BPNT1: variants seen among roughly 807,000 people sequenced by gnomAD.
BPNT1 encodes the protein 3'(2'), 5'-bisphosphate nucleotidase 1, also known as 3'(2'),5'-bisphosphate nucleotidase 1.
In BPNT1, 28 loss-of-function variants were observed where a neutral mutation model predicts 36.9. The observed-to-expected ratio is 0.76, with a 90% CI of 0.56 to 1.04. The LOEUF (loss-of-function observed/expected upper bound fraction) is 1.04. BPNT1 is among the 50% of genes least tolerant of loss of function. The pLI, the probability that BPNT1 is intolerant of heterozygous loss-of-function variation, is 0.00. For missense variants in BPNT1, 313 were observed against 372.9 expected (o/e 0.84, Z 1.32); for synonymous variants, 119 against 130.9 (o/e 0.91, Z 0.62).
intron 2 of BPNT1, among the ~76,000 whole-genome samples, chr1:220,075,197 C>G (rs1664435424): frequency 6.6e-6 from 1 of 152,160 alleles, no homozygotes. Flanking sequence ...GTGTCCCCCA[C>G]CATGCCTGGC....
intron 2 of BPNT1, among the ~76,000 whole-genome samples, chr1:220,078,069 G>C (rs1334244921): frequency 1.3e-5 from 2 of 151,408 alleles, no homozygotes; most frequent in East Asian, 3.9e-4. Flanking sequence ...TAACTACTCA[G>C]GAGGCTAAGC....
In BPNT1 at chr1:220,060,674, T is replaced by A. The variant is rs535802719; in HGVS notation, c.673-883A>T. Among the ~76,000 whole-genome samples the A allele has an allele frequency of 7.9e-5, 12 of 152,302 alleles. No individual in the cohort carries two copies. The South Asian group carries it at 2.5e-3, about 32-fold the overall frequency. ...CACTACCAAAATACAAACTTTTTTT[T>A]TTAAAAATATTTGAAGAGATTTATT... On this transcript the variant is annotated intron_variant, in intron 7 of 8. Transcript: ENST00000322067.
At chr1:220,078,313 T>A (rs1026859551) in intron 2 of BPNT1, among the ~76,000 whole-genome samples, 2 of 144,558 alleles carry the variant, frequency 1.4e-5, no homozygotes, top group Non-Finnish European at 1.5e-5. Flanking sequence ...TATATATATA[T>A]AATATATATA....
chr1:220,069,745 G>A (rs1245404183), intron 4 of BPNT1, among the ~76,000 whole-genome samples: 3 of 151,992 alleles, frequency 2.0e-5, no homozygotes, highest in African/African-American at 7.3e-5. Flanking sequence ...AGACCAGCCC[G>A]GCCAAAGTGG....
At chr1:220,088,606 A>G (rs1299433214) in intron 1 of BPNT1, among the ~76,000 whole-genome samples, 3 of 151,874 alleles carry the variant, frequency 2.0e-5, no homozygotes, top group Non-Finnish European at 4.4e-5. Flanking sequence ...CCTGGGCAAC[A>G]TGGCAAAACC....
chr1:220,060,901 G>A (rs1167365982), intron 7 of BPNT1, among the ~76,000 whole-genome samples: 1 of 152,118 alleles, frequency 6.6e-6, no homozygotes, highest in Non-Finnish European at 1.5e-5. Context: ...AGGCTTCCAG[G>A]ATATAGGTGA....
chr1:220,082,085 T>TATATATAGAGAGAG (rs1171093697), intron 1 of BPNT1, among the ~76,000 whole-genome samples: 6 of 103,280 alleles, frequency 5.8e-5, no homozygotes, highest in African/African-American at 2.3e-4. Context: ...TATATATATA[T>TATATATAGAGAGAG]AGAGAGAGAG....
At chr1:220,080,823 C>T (rs1352826035) in intron 1 of BPNT1, among the ~76,000 whole-genome samples, 5 of 152,186 alleles carry the variant, frequency 3.3e-5, no homozygotes, top group Non-Finnish European at 5.9e-5. Flanking sequence ...TATTTACCTC[C>T]ATCTTCGTCA....
At chr1:220,073,451 G>A (rs1664259675) in intron 3 of BPNT1, among the ~76,000 whole-genome samples, 1 of 152,094 alleles carries the variant, frequency 6.6e-6, no homozygotes, top group African/African-American at 2.4e-5. Context: ...ACCAAGCCTG[G>A]CTAATTTTTG....
At chr1:220,059,187 G>A (rs375675099) in intron 8 of BPNT1, among the ~76,000 whole-genome samples, 195 bp from the exon 9 acceptor site, 2 of 150,254 alleles carry the variant, frequency 1.3e-5, no homozygotes, top group African/African-American at 4.9e-5. Context: ...ACTAACTAAA[G>A]GATATAAAAT....
chr1:220,059,462 C>T (rs1662822863), intron 8 of BPNT1, among the ~76,000 whole-genome samples: 1 of 150,186 alleles, frequency 6.7e-6, no homozygotes, highest in Non-Finnish European at 1.5e-5. Flanking sequence ...TAACTGTATG[C>T]AGATCAAAGT....
Position 220,057,840 on chromosome 1 carries a change from G to T in BPNT1, c.*1004C>A. On this transcript the variant is annotated 3_prime_UTR_variant, in exon 9 of 9. Transcript: ENST00000322067. ...GAGTAGAAACGTTTTTAAAATTACT[G>T]TGAAAAACAAGAGTGAGATTCCAGA... 8.1e-7 allele frequency: 1 copy of T among 1,233,424 alleles called. No homozygotes were observed. Among genetic ancestry groups the T allele is most frequent in the South Asian group, 1.3e-5 (1 of 78,606 alleles). 76.4% of individuals were successfully genotyped at this position (1,233,424 alleles called of 1,614,324 possible).
Position 220,059,796 on chromosome 1 carries a change from A to G in BPNT1, c.673-5T>C, listed in dbSNP as rs1188118148. The G allele has an allele frequency of 1.3e-6, 2 of 1,569,544 alleles. No individual in the cohort carries two copies. Among genetic ancestry groups the G allele is most frequent in the Non-Finnish European group, 1.7e-6 (2 of 1,155,554 alleles). On this transcript the variant is annotated splice_polypyrimidine_tract_variant and splice_region_variant and intron_variant, in intron 7 of 8. Coordinates refer to ENST00000322067, the MANE Select transcript of BPNT1 (RefSeq NM_006085.6). The stretch of plus-strand genomic sequence containing the variant: ...GCCTTCAATCAGCTGAATAATCTGT[A>G]AGGGTAAAAATAAGAATTATCCTTT...
Position 220,058,483 on chromosome 1 carries a change from A to C in BPNT1, c.*361T>G. On this transcript the variant is annotated 3_prime_UTR_variant, in exon 9 of 9. Transcript: ENST00000322067. ...TTAAAATGTATTATTTTGAGAACCA[A>C]GTCTTTCTCCTAGCTAAGTAAATGA... 2.0e-6 allele frequency: 2 copies of C among 986,378 alleles called. No homozygotes were observed. The highest frequency in any genetic ancestry group is 1.7e-5 in the African/African-American group (1 of 57,586). 61.1% of individuals were successfully genotyped at this position (986,378 alleles called of 1,614,324 possible).
chr1:220,076,701 TTAATAA>T (rs144111730), intron 2 of BPNT1, among the ~76,000 whole-genome samples: 56 of 144,158 alleles, frequency 3.9e-4, no homozygotes, highest in East Asian at 1.6e-3. Flanking sequence ...AAAAAATAAA[TTAATAA>T]TAATAATAAT....
At chr1:220,084,282 A>G (rs1655508157) in intron 1 of BPNT1, among the ~76,000 whole-genome samples, 1 of 151,692 alleles carries the variant, frequency 6.6e-6, no homozygotes, top group African/African-American at 2.4e-5. Context: ...CAGTGAGCTG[A>G]GATTGCGGCC....
intron 1 of BPNT1, among the ~76,000 whole-genome samples, chr1:220,089,125 A>AGAAGGAGGAG (rs1239320018): frequency 2.8e-5 from 4 of 144,144 alleles, no homozygotes; most frequent in Non-Finnish European, 6.2e-5. Context: ...AAAAAAAAAA[A>AGAAGGAGGAG]GAAGGAGGAG....
intron 6 of BPNT1, chr1:220,066,010 C>T: frequency 7.7e-7 from 1 of 1,304,468 alleles, no homozygotes; most frequent in South Asian, 1.5e-5. Flanking sequence ...ACCTGGGGTA[C>T]CACAAGTTGC....
chr1:220,088,283 T>A (rs968084219), intron 1 of BPNT1, among the ~76,000 whole-genome samples: 1 of 148,620 alleles, frequency 6.7e-6, no homozygotes, highest in South Asian at 2.1e-4. Flanking sequence ...CACCTGAAGT[T>A]AGGAGTTCAA....
Sources: gnomAD v4.1 joint callset for allele counts (sites outside exome capture counted in the v4.1 genomes callset) on GRCh38, gnomAD v4.1.1 for gene constraint, MANE v1.5 for transcripts, NCBI Gene and HGNC (gene_info 2026-07-23, HGNC 2026-07-21) for gene names.